The following HIP1 variants were observed in gnomAD, a reference collection of about 807,000 sequenced individuals.
HIP1 encodes the protein huntingtin-interacting protein 1.
HIP1 carries 65 observed loss-of-function variants against 147.6 expected under a neutral mutation model. The ratio of observed to expected loss-of-function variants is 0.44; its 90% confidence interval spans 0.36 to 0.54. HIP1 has a LOEUF of 0.54. Ranked by LOEUF, HIP1 falls within the 20% of genes least tolerant of loss-of-function variation. The probability of loss-of-function intolerance (pLI) is 0.00; values close to 1 mark genes in which losing one functional copy is unlikely to be tolerated. For missense variants in HIP1, 1,061 were observed against 1,299.6 expected (o/e 0.82, Z 2.82); for synonymous variants, 479 against 504.0 (o/e 0.95, Z 0.67).
chr7:75,736,395 C>G (rs1004823140), intron 1 of HIP1, among the ~76,000 whole-genome samples: 1 of 151,432 alleles, frequency 6.6e-6, no homozygotes, highest in Non-Finnish European at 1.5e-5. Flanking sequence ...AAAATAATAT[C>G]TATTTATTTT....
chr7:75,539,483 A>AT lies in HIP1; in HGVS notation c.2953-53dup, dbSNP rs782237909. The AT allele has an allele frequency of 1.8e-3, 2,526 of 1,379,976 alleles. 26 individuals carry two copies. In the African/African-American group the frequency reaches 0.03, roughly 16 times the overall value. 85.5% of individuals were successfully genotyped at this position (1,379,976 alleles called of 1,614,324 possible). A position where few individuals can be genotyped will look rare whatever the true frequency, so the allele number is the denominator to read the frequency against. The stretch of plus-strand genomic sequence containing the variant: ...CTCTTAATCATCTCTCAGAGATTTA[A>AT]TTTTTATTTATTTTTTTATAGAGAT... On this transcript the variant is annotated intron_variant, in intron 29 of 30. Coordinates refer to ENST00000336926, the MANE Select transcript of HIP1 (RefSeq NM_005338.7).
intron 16 of HIP1, 121 bp from the exon 17 acceptor site, chr7:75,556,932 AC>A (rs1448230230): frequency 5.0e-6 from 3 of 603,866 alleles, no homozygotes; most frequent in Non-Finnish European, 8.8e-6. Context: ...TGTAAGTTAC[AC>A]CCCCCCAAAA....
intron 1 of HIP1, among the ~76,000 whole-genome samples, chr7:75,634,927 G>A (rs1798368842): frequency 1.7e-5 from 2 of 117,008 alleles, no homozygotes; most frequent in Non-Finnish European, 3.3e-5. Flanking sequence ...GTGACAGAGT[G>A]AGACACTATC....
At chr7:75,702,754 A>T (rs1800875595) in intron 1 of HIP1, among the ~76,000 whole-genome samples, 1 of 151,970 alleles carries the variant, frequency 6.6e-6, no homozygotes. Context: ...CCAGAGTGAG[A>T]CTCATCCTGC....
intron 1 of HIP1, among the ~76,000 whole-genome samples, chr7:75,658,262 A>G (rs1301970309): frequency 6.6e-6 from 1 of 152,018 alleles, no homozygotes; most frequent in African/African-American, 2.4e-5. Context: ...TAGTTTTTGT[A>G]TTTTTAGTAG....
intron 1 of HIP1, among the ~76,000 whole-genome samples, chr7:75,630,458 C>CAAA (rs34336932): frequency 1.9e-5 from 2 of 105,254 alleles, no homozygotes; most frequent in Non-Finnish European, 4.0e-5. Context: ...AGATCCACCT[C>CAAA]AAAAAAAAAA....
At chr7:75,544,877 C>T in intron 26 of HIP1, 77 bp from the exon 27 acceptor site, 1 of 955,258 alleles carries the variant, frequency 1.0e-6, no homozygotes, top group Non-Finnish European at 1.7e-6. Context: ...CTCCAGACCA[C>T]CCCATCGCCC....
chr7:75,681,703 C>A (rs2285873), intron 1 of HIP1, among the ~76,000 whole-genome samples: 2 of 151,494 alleles, frequency 1.3e-5, no homozygotes, highest in African/African-American at 4.8e-5. Context: ...GGCAAGGTCT[C>A]ACTATGTTGC....
chr7:75,706,040 C>A (rs760807157), intron 1 of HIP1, among the ~76,000 whole-genome samples: 13 of 151,976 alleles, frequency 8.6e-5, no homozygotes, highest in Non-Finnish European at 1.9e-4. Flanking sequence ...ATTACAGGTG[C>A]CTGCCACCGT....
intron 1 of HIP1, among the ~76,000 whole-genome samples, chr7:75,604,869 A>G (rs1317558331): frequency 6.6e-6 from 1 of 152,192 alleles, no homozygotes; most frequent in Non-Finnish European, 1.5e-5. Context: ...CAAAAATCTT[A>G]TAGTAACAAA....
At chr7:75,638,112 G>A (rs1798507726) in intron 1 of HIP1, among the ~76,000 whole-genome samples, 1 of 151,322 alleles carries the variant, frequency 6.6e-6, no homozygotes, top group East Asian at 1.9e-4. Flanking sequence ...AGGCCCTTGA[G>A]GGTTGCAAGG....
At chr7:75,691,341 A>G (rs1425024360) in intron 1 of HIP1, among the ~76,000 whole-genome samples, 6 of 151,820 alleles carry the variant, frequency 4.0e-5, no homozygotes, top group African/African-American at 1.2e-4. Context: ...AATACAAAAA[A>G]TTAGCCGGGC....
chr7:75,554,026 T>C lies in HIP1; in HGVS notation c.2158+87A>G, dbSNP rs587748359. The C allele has an allele frequency of 6.2e-3, 5,818 of 943,660 alleles. 38 individuals carry two copies. The highest frequency in any genetic ancestry group is 8.6e-3 in the Non-Finnish European group (5,210 of 605,260). The allele number at this position is 943,660 out of a possible 1,614,324, so 58.5% of individuals were successfully genotyped here. On this transcript the variant is annotated intron_variant, in intron 21 of 30. Transcript: ENST00000336926. Reference sequence around the variant, plus strand: ...TCCCAAAGTGCTGGAGTTACAGGCATGAGCCACTGCGCCCGGCCCAACAGA... The same window carrying C: ...TCCCAAAGTGCTGGAGTTACAGGCACGAGCCACTGCGCCCGGCCCAACAGA...
rs944786330 is a variant in HIP1 at position 75,535,974 on chromosome 7, A to G, written c.*2198T>C. Reference sequence around the variant, plus strand: ...GGTGATCCTACCACCTCAGCCTCTCAAAGTGCTGGGATTACAGGCGTGAGC... The same window carrying G: ...GGTGATCCTACCACCTCAGCCTCTCGAAGTGCTGGGATTACAGGCGTGAGC... On this transcript the variant is annotated 3_prime_UTR_variant, in exon 31 of 31. Transcript: ENST00000336926. 3 of 177,958 alleles carry G rather than the reference A, an allele frequency of 1.7e-5. No individual in the cohort carries two copies. Among genetic ancestry groups the G allele is most frequent in the East Asian group, 1.9e-4 (2 of 10,616 alleles). 11.0% of individuals were successfully genotyped at this position (177,958 alleles called of 1,614,324 possible).
intron 1 of HIP1, among the ~76,000 whole-genome samples, chr7:75,650,087 C>T (rs1034632398): frequency 6.6e-6 from 1 of 152,100 alleles, no homozygotes; most frequent in South Asian, 2.1e-4. Context: ...AAACACCTGG[C>T]TTGGTCTTAG....
intron 1 of HIP1, among the ~76,000 whole-genome samples, chr7:75,677,376 C>T (rs1055945484): frequency 1.3e-5 from 2 of 150,728 alleles, no homozygotes; most frequent in Non-Finnish European, 1.5e-5. Flanking sequence ...GAGGCCAAAG[C>T]GAGTTGATAA....
In HIP1 at chr7:75,594,630, C is replaced by T. The variant is rs587713266; in HGVS notation, c.185-2116G>A. ...CTCTACTAAAAGTACAAAAATTAGCCGGGCATGGTGGTGCATGCCTGTAAT... is the reference window on the plus strand; with the variant it reads ...CTCTACTAAAAGTACAAAAATTAGCTGGGCATGGTGGTGCATGCCTGTAAT... On this transcript the variant is annotated intron_variant, in intron 2 of 30. Transcript: ENST00000336926. 5.9e-5 allele frequency among the ~76,000 whole-genome samples: 9 copies of T among 152,100 alleles called. No individual in the cohort carries two copies. In the East Asian group the frequency reaches 1.4e-3, roughly 23 times the overall value.
At chr7:75,577,797 C>T (rs1275485001) in intron 7 of HIP1, among the ~76,000 whole-genome samples, 1 of 152,026 alleles carries the variant, frequency 6.6e-6, no homozygotes, top group Non-Finnish European at 1.5e-5. Context: ...GCCAGGAGTT[C>T]GAGACTAGCC....
chr7:75,634,808 CTCA>C (rs1377343451), intron 1 of HIP1, among the ~76,000 whole-genome samples: 1 of 151,824 alleles, frequency 6.6e-6, no homozygotes, highest in Non-Finnish European at 1.5e-5. Flanking sequence ...CGCTTGGTGG[CTCA>C]TGTCTGTGGT....
Sources: allele counts gnomAD v4.1 joint callset (sites outside exome capture counted in the v4.1 genomes callset), GRCh38; gene constraint gnomAD v4.1.1; transcripts MANE v1.5; gene names NCBI Gene and HGNC (gene_info 2026-07-23, HGNC 2026-07-21).